Variants in FRMD4A observed in about 807,000 individuals in gnomAD.
FRMD4A encodes FERM domain containing 4A, also known as FERM domain-containing protein 4A.
A neutral mutation model predicts 129.1 loss-of-function variants in FRMD4A; 29 were observed. The ratio of observed to expected loss-of-function variants is 0.22; its 90% CI spans 0.17 to 0.31. The LOEUF (loss-of-function observed/expected upper bound fraction) is 0.31. Ranked by LOEUF, FRMD4A falls within the 10% of genes least tolerant of loss-of-function variation. FRMD4A has a pLI of 1.00. For missense variants in FRMD4A, 1,272 were observed against 1,375.8 expected (o/e 0.92, Z 1.19); for synonymous variants, 634 against 571.6 (o/e 1.11, Z -1.56).
intron 3 of FRMD4A, among the ~76,000 whole-genome samples, chr10:13,820,156 G>C (rs1202162912): frequency 6.6e-6 from 1 of 152,192 alleles, no homozygotes; most frequent in Non-Finnish European, 1.5e-5. Flanking sequence ...GTCCCCTCCA[G>C]CTGCCTCCAG....
At chr10:14,314,136 A>G (rs1451614196) in intron 2 of FRMD4A, among the ~76,000 whole-genome samples, 1 of 152,240 alleles carries the variant, frequency 6.6e-6, no homozygotes, top group African/African-American at 2.4e-5. Context: ...CAAAGATGCC[A>G]CTATTGTCAT....
intron 4 of FRMD4A, among the ~76,000 whole-genome samples, chr10:13,803,929 C>T (rs2093310245): frequency 1.3e-5 from 2 of 152,190 alleles, no homozygotes; most frequent in Admixed American, 6.5e-5. Context: ...TTCCCAGCTC[C>T]CTCCGGTCAT....
At chr10:14,225,944 G>C (rs1843420111) in intron 2 of FRMD4A, among the ~76,000 whole-genome samples, 1 of 152,160 alleles carries the variant, frequency 6.6e-6, no homozygotes, top group African/African-American at 2.4e-5. Context: ...GCTGACCTCT[G>C]GGTGGCCAGA....
In FRMD4A at chr10:13,686,944, A is replaced by G. The variant is rs1045551613; in HGVS notation, c.1117+6954T>C. Among the ~76,000 whole-genome samples the G allele has an allele frequency of 2.0e-5, 3 of 152,288 alleles. No homozygotes were observed. The East Asian group carries it at 5.8e-4, about 29-fold the overall frequency. On this transcript the variant is annotated intron_variant, in intron 15 of 24. Transcript: ENST00000357447. ...GTGGGTTTGTGCTATTTTCCTTAAAAAGCCTGAGAACAAAAACTAACTCTC... is the reference window on the plus strand; with the variant it reads ...GTGGGTTTGTGCTATTTTCCTTAAAGAGCCTGAGAACAAAAACTAACTCTC...
At chr10:13,928,954 T>C (rs996433356) in intron 2 of FRMD4A, among the ~76,000 whole-genome samples, 1 of 152,256 alleles carries the variant, frequency 6.6e-6, no homozygotes, top group Admixed American at 6.5e-5. Context: ...GCCTCCAGTT[T>C]GTTCCAAACA....
intron 2 of FRMD4A, among the ~76,000 whole-genome samples, chr10:14,117,095 G>A (rs1838236734): frequency 6.6e-6 from 1 of 152,222 alleles, no homozygotes; most frequent in East Asian, 1.9e-4. Flanking sequence ...GTACAGCAGA[G>A]ATACCTAAGG....
At chr10:13,784,963 C>T (rs1468771198) in intron 5 of FRMD4A, among the ~76,000 whole-genome samples, 1 of 147,330 alleles carries the variant, frequency 6.8e-6, no homozygotes, top group Non-Finnish European at 1.5e-5. Flanking sequence ...TGCACTCCAG[C>T]CTGAACAACA....
At chr10:14,222,906 G>T (rs921670947) in intron 2 of FRMD4A, among the ~76,000 whole-genome samples, 4 of 152,084 alleles carry the variant, frequency 2.6e-5, no homozygotes, top group Admixed American at 6.6e-5. Flanking sequence ...TAGCCAACAT[G>T]GTGAAACCCT....
At chr10:13,694,115 T>G in intron 14 of FRMD4A, 76 bp from the exon 15 acceptor site, 1 of 1,251,970 alleles carries the variant, frequency 8.0e-7, no homozygotes, top group Non-Finnish European at 1.1e-6. Context: ...CGCCCGCGCC[T>G]GCTCACCGTC....
At chr10:13,983,237 G>C (rs2095568534) in intron 2 of FRMD4A, among the ~76,000 whole-genome samples, 1 of 152,088 alleles carries the variant, frequency 6.6e-6, no homozygotes, top group Non-Finnish European at 1.5e-5. Context: ...TTAACCCAAG[G>C]CTCAATGTGT....
At chr10:13,737,440 C>G (rs1310700095) in intron 12 of FRMD4A, among the ~76,000 whole-genome samples, 3 of 152,130 alleles carry the variant, frequency 2.0e-5, no homozygotes, top group Non-Finnish European at 4.4e-5. Flanking sequence ...CCCACCTCCC[C>G]TGATCCTGTC....
At chr10:14,168,967 G>T (rs113909533) in intron 2 of FRMD4A, among the ~76,000 whole-genome samples, 1 of 145,186 alleles carries the variant, frequency 6.9e-6, no homozygotes, top group Middle Eastern at 3.5e-3. Context: ...TTGAAGGGGG[G>T]TTGTTCTGAA....
intron 8 of FRMD4A, among the ~76,000 whole-genome samples, chr10:13,760,753 T>A (rs1355049969): frequency 1.3e-5 from 2 of 152,162 alleles, no homozygotes; most frequent in African/African-American, 4.8e-5. Context: ...TTAATACCAA[T>A]TTGCTAATTT....
intron 2 of FRMD4A, among the ~76,000 whole-genome samples, chr10:14,097,350 A>G (rs1397399251): frequency 2.0e-5 from 3 of 152,066 alleles, no homozygotes; most frequent in Admixed American, 2.0e-4. Flanking sequence ...AACAGGAAGG[A>G]TTAAGGAAGT....
intron 2 of FRMD4A, among the ~76,000 whole-genome samples, chr10:14,281,318 A>G (rs950649835): frequency 1.3e-5 from 2 of 152,214 alleles, no homozygotes; most frequent in Admixed American, 6.5e-5. Flanking sequence ...AGAAGAAATT[A>G]GGGCACAGAC....
chr10:14,328,371 G>GC (rs1370583919), intron 2 of FRMD4A, among the ~76,000 whole-genome samples: 1 of 34,788 alleles, frequency 2.9e-5, no homozygotes, highest in Non-Finnish European at 7.7e-5. Flanking sequence ...TGTGTGGGTG[G>GC]GGGGGGGGGG....
At chr10:13,875,700 G>A (rs1032785263) in intron 2 of FRMD4A, among the ~76,000 whole-genome samples, 4 of 152,150 alleles carry the variant, frequency 2.6e-5, no homozygotes, top group South Asian at 2.1e-4. Context: ...TAACTAGACC[G>A]GGTGAAGGTC....
chr10:13,784,990 CA>C (rs35375065), intron 5 of FRMD4A, among the ~76,000 whole-genome samples: 1,998 of 98,406 alleles, frequency 0.02, 14 homozygotes, highest in African/African-American at 0.034. Flanking sequence ...GACTCTATCT[CA>C]AAAAAAAAAA....
intron 2 of FRMD4A, among the ~76,000 whole-genome samples, chr10:14,137,671 G>C (rs1006159957): frequency 3.3e-5 from 5 of 152,146 alleles, no homozygotes; most frequent in Non-Finnish European, 7.3e-5. Context: ...GTTTCCTTGA[G>C]TGGATCTCTC....
Sources: allele counts gnomAD v4.1 joint callset (sites outside exome capture counted in the v4.1 genomes callset), GRCh38; gene constraint gnomAD v4.1.1; transcripts MANE v1.5; gene names NCBI Gene and HGNC (gene_info 2026-07-23, HGNC 2026-07-21).